CSMD1: variants seen among roughly 807,000 people sequenced by gnomAD.
CSMD1 encodes CUB and sushi domain-containing protein 1.
CSMD1 carries 213 observed loss-of-function variants against 417.5 expected under a neutral mutation model. The ratio of observed to expected loss-of-function variants is 0.51; its 90% CI spans 0.46 to 0.57. CSMD1 has a LOEUF of 0.57. Ranked by LOEUF, CSMD1 falls within the 20% of genes least tolerant of loss-of-function variation. The pLI is 0.00. For missense variants in CSMD1, 6,923 were observed against 4,529.7 expected, an observed-to-expected ratio of 1.53 and a Z score of -15.17; for synonymous variants, 2,862 against 1,736.8, an observed-to-expected ratio of 1.65 and a Z score of -16.11.
In CSMD1 at chr8:4,368,480, T is replaced by C. The variant is rs953864745; in HGVS notation, c.415+51473A>G. 6.6e-5 allele frequency among the ~76,000 whole-genome samples: 10 copies of C among 152,180 alleles called. 1 individual carries two copies. The highest frequency in any genetic ancestry group is 5.2e-4 in the Admixed American group (8 of 15,276). ...GGTTTTAATATCAGAATGATGCTGG[T>C]TTCATAAAGTGACTTAGAGAGAAGT... On this transcript the variant is annotated intron_variant, in intron 3 of 69. Transcript: ENST00000635120.
chr8:3,257,704 G>A (rs1051530789), intron 26 of CSMD1, among the ~76,000 whole-genome samples: 3 of 152,206 alleles, frequency 2.0e-5, no homozygotes, highest in East Asian at 1.9e-4. Context: ...GACCCTAAAC[G>A]GTGGGCCTAG....
chr8:2,965,963 C>T lies in CSMD1; in HGVS notation c.9101-9G>A. The stretch of plus-strand genomic sequence containing the variant: ...ATCCCCACAACTTATAACTAATAAA[C>T]AGGGAACAGGAAAGAATCAGAGAAA... On this transcript the variant is annotated splice_polypyrimidine_tract_variant and intron_variant, in intron 58 of 69. Coordinates refer to ENST00000635120, the MANE Select transcript of CSMD1 (RefSeq NM_033225.6). 1 of 1,592,614 alleles carries T rather than the reference C, an allele frequency of 6.3e-7. No homozygotes were observed. Among genetic ancestry groups the T allele is most frequent in the South Asian group, 1.1e-5 (1 of 87,648 alleles).
chr8:4,548,906 G>C (rs1387125580), intron 2 of CSMD1, among the ~76,000 whole-genome samples: 2 of 152,038 alleles, frequency 1.3e-5, no homozygotes, highest in Admixed American at 1.3e-4. Context: ...TTAGAATCCT[G>C]TTACCTTGGA....
intron 42 of CSMD1, among the ~76,000 whole-genome samples, chr8:3,117,279 G>C (rs1190445546): frequency 2.6e-5 from 4 of 152,104 alleles, no homozygotes; most frequent in Non-Finnish European, 5.9e-5. Context: ...CACCGTGTTA[G>C]CCAGGATGGT....
chr8:4,876,165 C>CATTAGT (rs1460863367), intron 1 of CSMD1, among the ~76,000 whole-genome samples: 1 of 152,006 alleles, frequency 6.6e-6, no homozygotes, highest in East Asian at 1.9e-4. Flanking sequence ...TAGTCTATTT[C>CATTAGT]CCTGCTGGGT....
chr8:4,316,402 C>G (rs980794415), intron 3 of CSMD1, among the ~76,000 whole-genome samples: 1 of 152,066 alleles, frequency 6.6e-6, no homozygotes, highest in African/African-American at 2.4e-5. Flanking sequence ...CTTGGACTTA[C>G]CAAGACAATT....
At chr8:3,712,450 G>C (rs11995893) in intron 6 of CSMD1, among the ~76,000 whole-genome samples, 5,222 of 151,430 alleles carry the variant, frequency 0.034, 289 homozygotes, top group African/African-American at 0.12. Flanking sequence ...GACAGAGAGA[G>C]AGAGAAACTA....
chr8:3,957,427 C>G (rs2129944435), intron 5 of CSMD1, among the ~76,000 whole-genome samples: 1 of 152,252 alleles, frequency 6.6e-6, no homozygotes, highest in Middle Eastern at 3.4e-3. Flanking sequence ...CCTGTAAACC[C>G]AGCACTTTGG....
intron 1 of CSMD1, among the ~76,000 whole-genome samples, chr8:4,680,975 T>TGTGTGA (rs767579851): frequency 2.1e-4 from 29 of 136,776 alleles, no homozygotes; most frequent in South Asian, 7.4e-4. Flanking sequence ...TGTGTGTGTG[T>TGTGTGA]GAGAGAGAGA....
chr8:4,172,056 T>C (rs1336547092), intron 3 of CSMD1, among the ~76,000 whole-genome samples: 1 of 152,176 alleles, frequency 6.6e-6, no homozygotes, highest in Non-Finnish European at 1.5e-5. Context: ...TGCACGATGC[T>C]TAAAGTATCT....
intron 1 of CSMD1, among the ~76,000 whole-genome samples, chr8:4,675,888 A>G (rs188613774): frequency 1.4e-3 from 208 of 152,340 alleles, no homozygotes; most frequent in African/African-American, 4.3e-3. Context: ...AAAAGTATCT[A>G]AACTATCATA....
chr8:4,630,049 G>A (rs1272942395), intron 2 of CSMD1, among the ~76,000 whole-genome samples: 4 of 152,054 alleles, frequency 2.6e-5, no homozygotes, highest in Non-Finnish European at 5.9e-5. Flanking sequence ...TTTAAAAAAA[G>A]CCAAGATATG....
At chr8:3,763,135 G>C (rs550162156) in intron 5 of CSMD1, among the ~76,000 whole-genome samples, 177 of 152,276 alleles carry the variant, frequency 1.2e-3, no homozygotes, top group Middle Eastern at 3.4e-3. Flanking sequence ...ATGCACATTG[G>C]CTGAATAAGC....
chr8:4,091,027 T>C (rs1585293628), intron 3 of CSMD1, among the ~76,000 whole-genome samples: 1 of 151,850 alleles, frequency 6.6e-6, no homozygotes, highest in Non-Finnish European at 1.5e-5. Flanking sequence ...CAAGTGATTC[T>C]CCTGTCTCAG....
chr8:3,981,500 T>TAAAAAAA (rs200296436), intron 5 of CSMD1, among the ~76,000 whole-genome samples: 16 of 115,064 alleles, frequency 1.4e-4, no homozygotes, highest in Admixed American at 2.1e-4. Context: ...TAGAAAAAAG[T>TAAAAAAA]AAAAAAAAAA....
At chr8:4,323,847 G>C (rs922176667) in intron 3 of CSMD1, among the ~76,000 whole-genome samples, 2 of 152,102 alleles carry the variant, frequency 1.3e-5, no homozygotes, top group African/African-American at 4.8e-5. Context: ...GCCTTGTACT[G>C]AGAGTTTAGC....
rs1563234614 is a variant in CSMD1 at position 4,182,040 on chromosome 8, GT to G, written c.416-149942del. On this transcript the variant is annotated intron_variant, in intron 3 of 69. Transcript: ENST00000635120. ...CATACACACCCGTGTGTGTGTGTGT[GT>G]GTCGGTGTGTGTGTGTGTGTATACC... is the stretch of plus-strand genomic sequence containing the variant. Among the ~76,000 whole-genome samples the G allele has an allele frequency of 3.7e-3, 553 of 149,318 alleles. 5 individuals are homozygous for G. Among genetic ancestry groups the G allele is most frequent in the African/African-American group, 0.013 (509 of 40,376 alleles).
intron 8 of CSMD1, among the ~76,000 whole-genome samples, chr8:3,609,324 A>T (rs564646338): frequency 6.6e-6 from 1 of 152,222 alleles, no homozygotes; most frequent in Non-Finnish European, 1.5e-5. Flanking sequence ...GTATTTGAAT[A>T]CTTCCATCAA....
chr8:3,977,652 C>A (rs760768890), intron 5 of CSMD1, among the ~76,000 whole-genome samples: 1 of 152,158 alleles, frequency 6.6e-6, no homozygotes, highest in Non-Finnish European at 1.5e-5. Context: ...AATCTGGAAC[C>A]TTCTCCTTTC....
Sources: allele counts gnomAD v4.1 joint callset (sites outside exome capture counted in the v4.1 genomes callset), GRCh38; gene constraint gnomAD v4.1.1; transcripts MANE v1.5; gene names NCBI Gene and HGNC (gene_info 2026-07-23, HGNC 2026-07-21).